Variants in CYFIP1 observed in about 807,000 individuals in gnomAD.
The protein encoded by CYFIP1 is cytoplasmic FMR1 interacting protein 1.
Under a neutral mutation model 163.5 loss-of-function variants are expected in CYFIP1, and 58 were observed. The ratio of observed to expected loss-of-function variants is 0.35; its 90% CI spans 0.29 to 0.44. The LOEUF (loss-of-function observed/expected upper bound fraction) is 0.44. CYFIP1 is among the 20% of genes least tolerant of loss of function. The pLI, the probability that CYFIP1 is intolerant of heterozygous loss-of-function variation, is 1.00. For missense variants in CYFIP1, 1,338 were observed against 1,653.8 expected, an observed-to-expected ratio of 0.81 and a Z score of 3.31; for synonymous variants, 663 against 660.7, an observed-to-expected ratio of 1.00 and a Z score of -0.05.
intron 21 of CYFIP1, chr15:22,904,419 C>T (rs139249886): frequency 1.0e-3 from 179 of 174,656 alleles, no homozygotes; most frequent in Non-Finnish European, 1.7e-3. Context: ...TCCGATGTGG[C>T]AGCCGGGGCC....
intron 9 of CYFIP1, 39 bp downstream of exon 9, chr15:22,937,065 A>C (rs2061733382): frequency 2.1e-6 from 3 of 1,404,358 alleles, no homozygotes; most frequent in Admixed American, 1.7e-5. Flanking sequence ...AAGTGCACAC[A>C]AATCAATAAA....
chr15:22,882,007 A>G lies in CYFIP1; in HGVS notation c.2821-71T>C, dbSNP rs894343213. ...CTGCTAACGCCTGTGGCCGGCGCAT[A>G]CCCTGAAACAAGTCTGTTAGCAAAG... On this transcript the variant is annotated intron_variant, in intron 24 of 30. Transcript: ENST00000617928. The G allele has an allele frequency of 2.2e-6, 3 of 1,339,038 alleles. No homozygotes were observed. In the African/African-American group the frequency reaches 4.3e-5, roughly 19 times the overall value. 82.9% of individuals were successfully genotyped at this position (1,339,038 alleles called of 1,614,324 possible). A position where few individuals can be genotyped will look rare whatever the true frequency, so the allele number is the denominator to read the frequency against.
chr15:22,902,543 A>G (rs2060429937), intron 22 of CYFIP1, among the ~76,000 whole-genome samples: 2 of 152,258 alleles, frequency 1.3e-5, no homozygotes, highest in South Asian at 2.1e-4. Context: ...TTGTGTAAGA[A>G]TATTTTTGCA....
intron 1 of CYFIP1, among the ~76,000 whole-genome samples, chr15:22,977,650 G>A (rs2063323720): frequency 6.6e-6 from 1 of 151,986 alleles, no homozygotes; most frequent in Non-Finnish European, 1.5e-5. Context: ...GGCCAACATG[G>A]CAAAACCCTG....
At chr15:22,915,891 C>T (rs143845758) in intron 16 of CYFIP1, among the ~76,000 whole-genome samples, 2 of 152,324 alleles carry the variant, frequency 1.3e-5, no homozygotes, top group Admixed American at 6.5e-5. Context: ...CACACTCGAA[C>T]TCCATCCTTT....
At chr15:22,886,431 TAATCA>T (rs773625039) in intron 23 of CYFIP1, among the ~76,000 whole-genome samples, 5 of 152,196 alleles carry the variant, frequency 3.3e-5, no homozygotes, top group Non-Finnish European at 5.9e-5. Context: ...ATAAATCGAA[TAATCA>T]AATCAAATAA....
intron 22 of CYFIP1, among the ~76,000 whole-genome samples, chr15:22,897,478 G>GT (rs545780467): frequency 0.15 from 20,910 of 144,014 alleles, 1,809 homozygotes; most frequent in East Asian, 0.36. Flanking sequence ...CAACAGGGTT[G>GT]TTTTTTTTTT....
At position 22,917,796 on chromosome 15, in the gene CYFIP1, T is replaced by C. The variant is rs762890894; in HGVS notation, c.1666A>G (p.Ser556Gly). 14 of 1,608,360 alleles carry C rather than the reference T, an allele frequency of 8.7e-6. 1 individual carries two copies. The highest frequency in any genetic ancestry group is 3.4e-5 in the Admixed American group (2 of 59,490). ...GCTCAAGGGACGAGAACCTGAGTGC[T>C]GGAGGGTCCCACGGCGCGGCGTGGT... The part of the protein sequence containing the change: ...KVPRRAVGPS[S>G]TQLYMVRTML... The change falls in exon 15 of 31, where the codon AGC (serine) becomes GGC (glycine). Residue 556 changes from serine to glycine, a missense_variant. Ser to Gly is a moderately conservative substitution (Grantham distance 56). Coordinates refer to ENST00000617928, the MANE Select transcript of CYFIP1 (RefSeq NM_014608.6). The surrounding 1 kb of genome is among the most constrained non-coding windows in gnomAD (Gnocchi z 4.2).
intron 11 of CYFIP1, among the ~76,000 whole-genome samples, chr15:22,930,335 G>C (rs1426913525): frequency 7.0e-6 from 1 of 142,902 alleles, no homozygotes; most frequent in Non-Finnish European, 1.5e-5. Context: ...GCAGTGAGCC[G>C]AGATTGCACC....
At chr15:22,887,590 A>T (rs1488599765) in intron 23 of CYFIP1, among the ~76,000 whole-genome samples, 1 of 152,144 alleles carries the variant, frequency 6.6e-6, no homozygotes. Context: ...AGGAGGCATC[A>T]CTCAATGAAC....
chr15:22,941,726 T>C (rs2061899321), intron 6 of CYFIP1, among the ~76,000 whole-genome samples: 1 of 152,104 alleles, frequency 6.6e-6, no homozygotes, highest in Non-Finnish European at 1.5e-5. Flanking sequence ...GAAACCCTCC[T>C]TCCCCCAGCT....
At chr15:22,873,209 C>A (rs1273686491) in intron 29 of CYFIP1, among the ~76,000 whole-genome samples, 3 of 152,072 alleles carry the variant, frequency 2.0e-5, no homozygotes, top group Non-Finnish European at 4.4e-5. Context: ...TAGATCATAT[C>A]CCCTCTGTGA....
At chr15:22,951,203 C>A (rs1256520007) in intron 1 of CYFIP1, 3 of 485,272 alleles carry the variant, frequency 6.2e-6, no homozygotes, top group Non-Finnish European at 8.5e-6. Flanking sequence ...AGGCACCGGC[C>A]GCACCGCCAG....
intron 1 of CYFIP1, among the ~76,000 whole-genome samples, chr15:22,953,365 C>CT (rs1383279486): frequency 6.6e-6 from 1 of 152,142 alleles, no homozygotes; most frequent in East Asian, 1.9e-4. Context: ...TGCTCCGTCT[C>CT]TAACTGCCAC....
intron 26 of CYFIP1, among the ~76,000 whole-genome samples, chr15:22,879,381 G>A (rs1008719923): frequency 1.6e-4 from 25 of 152,124 alleles, no homozygotes; most frequent in East Asian, 7.7e-4. Flanking sequence ...GCGGCCAGTC[G>A]AAAACACGAG....
In CYFIP1 at chr15:22,925,969, C is replaced by T. The variant is rs745823435; in HGVS notation, c.1359+13G>A. 7 of 1,611,610 alleles carry T rather than the reference C, an allele frequency of 4.3e-6. No individual in the cohort carries two copies. The highest frequency in any genetic ancestry group is 1.6e-4 in the Middle Eastern group (1 of 6,078). On this transcript the variant is annotated intron_variant, in intron 13 of 30. Transcript: ENST00000617928. Reference sequence around the variant, plus strand: ...AGCGACATGAGGAAGAGCGAGCGGCCGAGCATCCTCACCTCCACTAGGGCA... The same window carrying T: ...AGCGACATGAGGAAGAGCGAGCGGCTGAGCATCCTCACCTCCACTAGGGCA...
rs2062009206 is a variant in CYFIP1, at chr15:22,944,921, C to A, written c.226G>T (p.Gly76Cys). 6.2e-7 allele frequency: 1 copy of A among 1,613,962 alleles called. No homozygotes were observed. Among genetic ancestry groups the A allele is most frequent in the African/African-American group, 1.3e-5 (1 of 74,908 alleles). ...HSSMNEMLEE[G>C]QEYAVMLYTW... ...TACAGCATGACAGCATATTCTTGGC[C>A]CTCCTCCAGCATCTCGTTCTGCAAT... is the stretch of plus-strand genomic sequence containing the variant. Residue 76 changes from glycine (G) to cysteine (C), a missense_variant, in exon 4 of 31, where the codon GGC (glycine) becomes TGC (cysteine). Physicochemically the swap from Gly to Cys is radical, Grantham distance 159. Around this residue, in one of 4 missense-constraint regions of CYFIP1, gnomAD observed 186 missense variants for 288.3 expected, o/e 0.65. Coordinates refer to ENST00000617928, the MANE Select transcript of CYFIP1 (RefSeq NM_014608.6).
Position 22,944,551 on chromosome 15 carries a change from A to T in CYFIP1, c.387+7T>A. 1 of 1,595,764 alleles carries T rather than the reference A, an allele frequency of 6.3e-7. No individual in the cohort carries two copies. Among genetic ancestry groups the T allele is most frequent in the South Asian group, 1.1e-5 (1 of 90,218 alleles). The stretch of plus-strand genomic sequence containing the variant: ...TTACACCCCCCCCAGATTATTTGCC[A>T]TTTTACCTGGAAGTACATGAAATTC... On this transcript the variant is annotated splice_region_variant and intron_variant, in intron 5 of 30. Transcript: ENST00000617928.
At chr15:22,979,044 G>A (rs766119419) in intron 1 of CYFIP1, among the ~76,000 whole-genome samples, 3 of 152,112 alleles carry the variant, frequency 2.0e-5, no homozygotes, top group Non-Finnish European at 2.9e-5. Context: ...CATTTTCTTT[G>A]AGCGCAGCAC....
Sources: allele counts gnomAD v4.1 joint callset (sites outside exome capture counted in the v4.1 genomes callset), GRCh38; gene constraint gnomAD v4.1.1; regional missense constraint gnomAD v4.1.1; non-coding constraint Gnocchi (gnomAD v3.1); transcripts MANE v1.5; gene names NCBI Gene and HGNC (gene_info 2026-07-23, HGNC 2026-07-21).